PDE1C: variants seen among roughly 807,000 people sequenced by gnomAD.
The protein encoded by PDE1C is dual specificity calcium/calmodulin-dependent 3',5'-cyclic nucleotide phosphodiesterase 1C.
A neutral mutation model predicts 93.1 loss-of-function variants in PDE1C; 62 were observed. That is an observed-to-expected ratio of 0.67 (90% CI 0.54 to 0.82). The LOEUF (loss-of-function observed/expected upper bound fraction) is 0.82. PDE1C is among the 40% of genes least tolerant of loss of function. The pLI, the probability that PDE1C is intolerant of heterozygous loss-of-function variation, is 0.00. For synonymous variants in PDE1C, 325 were observed against 310.1 expected (o/e 1.05, Z -0.50); for missense variants, 742 against 884.6 (o/e 0.84, Z 2.04).
chr7:31,997,687 C>T (rs923588856), intron 2 of PDE1C, among the ~76,000 whole-genome samples: 2 of 152,158 alleles, frequency 1.3e-5, no homozygotes, highest in Admixed American at 6.5e-5. Flanking sequence ...ATTTGAGACA[C>T]CCATTGTCAA....
chr7:32,289,819 C>T (rs1351143873), intron 1 of PDE1C, among the ~76,000 whole-genome samples: 2 of 152,188 alleles, frequency 1.3e-5, no homozygotes, highest in African/African-American at 4.8e-5. Context: ...TCCCCAAGCC[C>T]GTGGAATCGC....
chr7:32,396,626 A>T (rs1250706591), intron 1 of PDE1C, among the ~76,000 whole-genome samples: 1 of 152,248 alleles, frequency 6.6e-6, no homozygotes, highest in Admixed American at 6.5e-5. Flanking sequence ...TAAGTATGTG[A>T]CAAAGCAAAT....
intron 2 of PDE1C, among the ~76,000 whole-genome samples, chr7:31,906,463 G>C (rs906205845): frequency 6.6e-6 from 1 of 151,998 alleles, no homozygotes; most frequent in Admixed American, 6.6e-5. Flanking sequence ...ATGAAGTGTA[G>C]AGTGAGGTAC....
At chr7:32,171,702 A>G (rs373350572) in intron 2 of PDE1C, among the ~76,000 whole-genome samples, 2 of 151,546 alleles carry the variant, frequency 1.3e-5, no homozygotes, top group East Asian at 1.9e-4. Flanking sequence ...GATTTAAAGT[A>G]TATGGGAGGA....
intron 14 of PDE1C, 133 bp downstream of exon 14, chr7:31,822,940 G>T (rs1789158555): frequency 2.8e-6 from 2 of 719,930 alleles, no homozygotes; most frequent in Admixed American, 5.4e-5. Context: ...AAGATCAAAA[G>T]ATGGTAGATT....
chr7:32,404,625 T>C (rs983286466), intron 1 of PDE1C, among the ~76,000 whole-genome samples: 5 of 152,166 alleles, frequency 3.3e-5, no homozygotes, highest in Non-Finnish European at 7.4e-5. Flanking sequence ...TGTGAGCCAC[T>C]GTGCCCAGCC....
chr7:31,855,110 C>T lies in PDE1C; in HGVS notation c.751-4369G>A, dbSNP rs564441891. On this transcript the variant is annotated intron_variant, in intron 7 of 17. Transcript: ENST00000396191. The stretch of plus-strand genomic sequence containing the variant: ...AAAAAAACTTCCGTTTATTGGCACG[C>T]AGTTCTGCCAGTCAGAAGCCCAGGC... Among the ~76,000 whole-genome samples the T allele has an allele frequency of 2.0e-5, 3 of 150,872 alleles. No homozygotes were observed. The South Asian group carries it at 6.3e-4, about 32-fold the overall frequency.
intron 1 of PDE1C, among the ~76,000 whole-genome samples, chr7:32,387,518 T>C (rs1376047091): frequency 1.3e-4 from 14 of 106,230 alleles, no homozygotes; most frequent in African/African-American, 2.3e-4. Context: ...CCCCCCCACC[T>C]CCCTCCCGGA....
chr7:32,205,442 G>A lies in PDE1C; in HGVS notation c.136+4047C>T, dbSNP rs564321365. Among the ~76,000 whole-genome samples the A allele has an allele frequency of 1.6e-4, 25 of 152,236 alleles. No homozygotes were observed. In the East Asian group the frequency reaches 4.6e-3, roughly 28 times the overall value. ...ATCAGTGCTCTGTGTCTGGCTAAAG[G>A]TTTGTAAATGCACCAATCAGCACTC... On this transcript the variant is annotated intron_variant, in intron 2 of 18. Coordinates refer to the PDE1C transcript ENST00000396193.
chr7:31,901,075 A>G (rs58195567), intron 2 of PDE1C, among the ~76,000 whole-genome samples: 7,840 of 151,502 alleles, frequency 0.052, 233 homozygotes, highest in South Asian at 0.1. Context: ...TGAACAAACA[A>G]TAAAAGGATT....
intron 13 of PDE1C, 98 bp from the exon 14 acceptor site, chr7:31,823,346 G>C (rs144423221): frequency 1.2e-6 from 1 of 861,274 alleles, no homozygotes; most frequent in East Asian, 2.7e-5. Context: ...CACTCCTAAA[G>C]TTATTGCTGT....
intron 2 of PDE1C, among the ~76,000 whole-genome samples, chr7:31,892,597 G>A (rs1322492549): frequency 1.3e-5 from 2 of 152,150 alleles, no homozygotes; most frequent in African/African-American, 4.8e-5. Context: ...TGAAGGGGTT[G>A]TAAAGAATGA....
In PDE1C at chr7:31,915,385, G is replaced by A. The variant is rs183870108; in HGVS notation, c.129-34525C>T. On this transcript the variant is annotated intron_variant, in intron 2 of 17. Transcript: ENST00000396191. ...ACCTGGGTCTTGTCAAGATGTGGCT[G>A]TATCTTCCTAAAAATCCCTGCCTAG... 2.6e-5 allele frequency among the ~76,000 whole-genome samples: 4 copies of A among 152,262 alleles called. No homozygotes were observed. In the East Asian group the frequency reaches 7.7e-4, roughly 29 times the overall value.
At chr7:31,880,486 C>T (rs1435867617) in intron 3 of PDE1C, among the ~76,000 whole-genome samples, 3 of 151,994 alleles carry the variant, frequency 2.0e-5, no homozygotes, top group South Asian at 4.2e-4. Context: ...TTTAAAAATT[C>T]GTTTTTCTCC....
intron 2 of PDE1C, among the ~76,000 whole-genome samples, chr7:31,952,346 T>C (rs1807496734): frequency 6.6e-6 from 1 of 151,900 alleles, no homozygotes; most frequent in South Asian, 2.1e-4. Context: ...GTCTCCTGGG[T>C]TCAAGCAATT....
chr7:32,367,487 G>A (rs1046889628), intron 1 of PDE1C, among the ~76,000 whole-genome samples: 1 of 152,164 alleles, frequency 6.6e-6, no homozygotes, highest in Non-Finnish European at 1.5e-5. Context: ...TTAAAAAGAA[G>A]AAACCAACAA....
the PDE1C span, chr7:31,692,341 A>C: frequency 1.0e-6 from 1 of 957,170 alleles, no homozygotes; most frequent in East Asian, 2.5e-5. Flanking sequence ...ATATTTACTT[A>C]GCAAATGATT....
chr7:31,923,704 C>T (rs545020666), intron 2 of PDE1C, among the ~76,000 whole-genome samples: 4 of 152,092 alleles, frequency 2.6e-5, no homozygotes, highest in South Asian at 2.1e-4. Flanking sequence ...GGTTGTGCAC[C>T]GTGGCTCATG....
intron 1 of PDE1C, among the ~76,000 whole-genome samples, chr7:32,283,565 A>G (rs952112253): frequency 6.6e-6 from 1 of 152,244 alleles, no homozygotes; most frequent in African/African-American, 2.4e-5. Context: ...TTGGCATGCC[A>G]GTTCTTTTTC....
Sources: allele counts gnomAD v4.1 joint callset (sites outside exome capture counted in the v4.1 genomes callset), GRCh38; gene constraint gnomAD v4.1.1; transcripts MANE v1.5; gene names NCBI Gene and HGNC (gene_info 2026-07-23, HGNC 2026-07-21).